The following SCTR variants were observed in gnomAD, a reference collection of about 807,000 sequenced individuals.
The protein encoded by SCTR is pancreatic secretin receptor.
A neutral mutation model predicts 60.8 loss-of-function variants in SCTR; 56 were observed. The observed-to-expected ratio is 0.92, with a 90% CI of 0.74 to 1.15. The LOEUF is 1.15. SCTR is among the 50% of genes most tolerant of loss of function. The probability of loss-of-function intolerance (pLI) is 0.00; values close to 1 mark genes in which losing one functional copy is unlikely to be tolerated. For synonymous variants in SCTR, 202 were observed against 217.0 expected (o/e 0.93, Z 0.61); for missense variants, 562 against 550.4 (o/e 1.02, Z -0.21).
chr2:119,448,666 C>T (rs1436550423), intron 10 of SCTR, 23 bp downstream of exon 10: 16 of 1,318,710 alleles, frequency 1.2e-5, no homozygotes, highest in Non-Finnish European at 1.5e-5. Flanking sequence ...CTGACCATGC[C>T]TCAGTCTTTG....
chr2:119,442,415 C>T (rs1431393002), intron 11 of SCTR, among the ~76,000 whole-genome samples: 6 of 152,236 alleles, frequency 3.9e-5, no homozygotes, highest in Admixed American at 2.6e-4. Flanking sequence ...CTCTCCCTTA[C>T]GGGCCTGCCC....
intron 1 of SCTR, among the ~76,000 whole-genome samples, chr2:119,518,049 G>C (rs1021912570): frequency 5.3e-5 from 8 of 152,128 alleles, no homozygotes; most frequent in African/African-American, 1.9e-4. Context: ...ACACTCACTG[G>C]AAATGCCACA....
At chr2:119,444,360 T>G (rs576226453) in intron 11 of SCTR, among the ~76,000 whole-genome samples, 2 of 148,352 alleles carry the variant, frequency 1.3e-5, no homozygotes, top group African/African-American at 4.9e-5. Context: ...CGTATGAATA[T>G]ATATACACAT....
intron 1 of SCTR, among the ~76,000 whole-genome samples, chr2:119,504,549 C>T (rs897514195): frequency 6.6e-6 from 1 of 151,904 alleles, no homozygotes; most frequent in African/African-American, 2.4e-5. Flanking sequence ...TAAGATTGCG[C>T]CACAACACTC....
intron 2 of SCTR, among the ~76,000 whole-genome samples, chr2:119,493,744 C>T (rs954403175): frequency 4.0e-5 from 6 of 150,880 alleles, no homozygotes; most frequent in East Asian, 2.0e-4. Context: ...CGGGTTCAAG[C>T]GATTCTCCTG....
At chr2:119,442,405 C>T (rs1268154715) in intron 11 of SCTR, among the ~76,000 whole-genome samples, 1 of 152,232 alleles carries the variant, frequency 6.6e-6, no homozygotes, top group African/African-American at 2.4e-5. Context: ...GGCCACCCTT[C>T]TCTCCCTTAC....
intron 11 of SCTR, among the ~76,000 whole-genome samples, chr2:119,446,552 C>CTCTTAG (rs1292077352): frequency 5.3e-5 from 8 of 152,180 alleles, no homozygotes; most frequent in African/African-American, 1.9e-4. Context: ...CTCTCTGTCT[C>CTCTTAG]TCTTAGTTTT....
intron 2 of SCTR, among the ~76,000 whole-genome samples, chr2:119,485,562 A>T (rs1001317144): frequency 6.6e-6 from 1 of 152,184 alleles, no homozygotes; most frequent in South Asian, 2.1e-4. Flanking sequence ...TTCTGGAGCA[A>T]TGTGTCAGGC....
rs558504163 is a variant in SCTR at position 119,484,972 on chromosome 2, G to A, written c.194-6054C>T. 4.6e-5 allele frequency among the ~76,000 whole-genome samples: 7 copies of A among 152,292 alleles called. No homozygotes were observed. In the East Asian group the frequency reaches 7.7e-4, roughly 17 times the overall value. Reference sequence around the variant, plus strand: ...TGGCCCAGAGGAGAAACAGCTGTGGGGGCAGGTCTAGATGGGCAGACCACA... The same window carrying A: ...TGGCCCAGAGGAGAAACAGCTGTGGAGGCAGGTCTAGATGGGCAGACCACA... On this transcript the variant is annotated intron_variant, in intron 2 of 12. Coordinates refer to ENST00000019103, the MANE Select transcript of SCTR (RefSeq NM_002980.3).
chr2:119,468,831 A>G (rs1442389505), intron 4 of SCTR, among the ~76,000 whole-genome samples: 4 of 152,156 alleles, frequency 2.6e-5, no homozygotes, highest in African/African-American at 9.7e-5. Context: ...TACATGAAAA[A>G]ACTGGGTCCA....
chr2:119,505,695 G>A (rs569402209), intron 1 of SCTR, among the ~76,000 whole-genome samples: 226 of 148,670 alleles, frequency 1.5e-3, no homozygotes, highest in South Asian at 8.6e-3. Flanking sequence ...ATCACACACC[G>A]GGGCCTGTTG....
At chr2:119,451,519 C>T (rs1014773893) in intron 9 of SCTR, among the ~76,000 whole-genome samples, 3 of 152,198 alleles carry the variant, frequency 2.0e-5, no homozygotes, top group East Asian at 3.9e-4. Context: ...TCCCTGGGGC[C>T]GCCCCTCCAG....
chr2:119,524,286 T>C lies in SCTR; in HGVS notation c.-60A>G. On this transcript the variant is annotated 5_prime_UTR_variant, in exon 1 of 13. Transcript: ENST00000019103. ...CCGCCTGCCCGTGCCCTCTGCCCGCTCGGGAGCTCAGCGCCCCGCGCAGGG... is the reference window on the plus strand; with the variant it reads ...CCGCCTGCCCGTGCCCTCTGCCCGCCCGGGAGCTCAGCGCCCCGCGCAGGG... 9.4e-6 allele frequency: 11 copies of C among 1,172,740 alleles called. No homozygotes were observed. Among genetic ancestry groups the C allele is most frequent in the Non-Finnish European group, 1.2e-5 (11 of 892,802 alleles). 72.6% of individuals were successfully genotyped at this position (1,172,740 alleles called of 1,614,324 possible).
chr2:119,501,801 T>G (rs776142906), intron 1 of SCTR, among the ~76,000 whole-genome samples: 6 of 152,018 alleles, frequency 3.9e-5, no homozygotes, highest in Non-Finnish European at 5.9e-5. Context: ...AAAAACCTAT[T>G]TGCAGATAAC....
chr2:119,460,155 C>T (rs1016354712), intron 7 of SCTR, among the ~76,000 whole-genome samples: 3 of 151,694 alleles, frequency 2.0e-5, no homozygotes, highest in Non-Finnish European at 4.4e-5. Flanking sequence ...CTCCCCTGAT[C>T]GGGAGACAGG....
intron 1 of SCTR, chr2:119,495,583 TCTG>T: frequency 6.6e-6 from 1 of 152,226 alleles, no homozygotes; most frequent in Non-Finnish European, 1.5e-5. Context: ...AATCAAAAGT[TCTG>T]GGCCAGAGAA....
chr2:119,516,338 T>C (rs1437519523), intron 1 of SCTR, among the ~76,000 whole-genome samples: 1 of 152,124 alleles, frequency 6.6e-6, no homozygotes, highest in Non-Finnish European at 1.5e-5. Context: ...AACAGATGAA[T>C]GGATGAAGAA....
At chr2:119,445,540 C>T (rs1162853018) in intron 11 of SCTR, among the ~76,000 whole-genome samples, 1 of 152,186 alleles carries the variant, frequency 6.6e-6, no homozygotes, top group Non-Finnish European at 1.5e-5. Context: ...GAAGACCCTA[C>T]CCTGAACAGA....
Position 119,462,008 on chromosome 2 carries a change from G to C in SCTR, c.637-8C>G, listed in dbSNP as rs753080826. 1 of 1,593,252 alleles carries C rather than the reference G, an allele frequency of 6.3e-7. No individual in the cohort carries two copies. The highest frequency in any genetic ancestry group is 8.6e-7 in the Non-Finnish European group (1 of 1,168,688). Reference sequence around the variant, plus strand: ...GACCAGCTTGCAGCCCGCCTGGAGAGAGAGAGGCAGCTGAACCCAGGCCGG... The same window carrying C: ...GACCAGCTTGCAGCCCGCCTGGAGACAGAGAGGCAGCTGAACCCAGGCCGG... On this transcript the variant is annotated splice_polypyrimidine_tract_variant and splice_region_variant and intron_variant, in intron 6 of 12. Transcript: ENST00000019103.
Sources: allele counts gnomAD v4.1 joint callset (sites outside exome capture counted in the v4.1 genomes callset), GRCh38; gene constraint gnomAD v4.1.1; transcripts MANE v1.5; gene names NCBI Gene and HGNC (gene_info 2026-07-23, HGNC 2026-07-21).